ITPR1: variants seen among roughly 807,000 people sequenced by gnomAD.
ITPR1 encodes inositol 1,4,5-trisphosphate receptor type 1, also known as inositol 1,4,5-trisphosphate-gated calcium channel ITPR1.
Under a neutral mutation model 318.4 loss-of-function variants are expected in ITPR1, and 96 were observed. That is an observed-to-expected ratio of 0.30 (90% CI 0.26 to 0.36). The LOEUF is 0.36. Ranked by LOEUF, ITPR1 falls within the 10% of genes least tolerant of loss-of-function variation. The pLI, the probability that ITPR1 is intolerant of heterozygous loss-of-function variation, is 1.00. For synonymous variants in ITPR1, 1,312 were observed against 1,289.9 expected (o/e 1.02, Z -0.37); for missense variants, 2,440 against 3,460.2 (o/e 0.71, Z 7.40).
chr3:4,759,330 A>C (rs536493937), intron 44 of ITPR1, among the ~76,000 whole-genome samples: 1 of 152,300 alleles, frequency 6.6e-6, no homozygotes, highest in South Asian at 2.1e-4. Flanking sequence ...TTAATCTAAG[A>C]CCCGGATTCA....
chr3:4,817,061 G>C (rs1402747946), intron 59 of ITPR1, among the ~76,000 whole-genome samples: 1 of 152,206 alleles, frequency 6.6e-6, no homozygotes, highest in East Asian at 1.9e-4. Flanking sequence ...GATGTGGCCA[G>C]TGAGAGCCCT....
chr3:4,643,791 C>T (rs1390495839), intron 7 of ITPR1, among the ~76,000 whole-genome samples: 3 of 151,636 alleles, frequency 2.0e-5, no homozygotes, highest in African/African-American at 7.3e-5. Context: ...AAGACTTACT[C>T]TGACTCTATC....
intron 41 of ITPR1, among the ~76,000 whole-genome samples, 177 bp downstream of exon 41, chr3:4,725,758 T>C (rs145206748): frequency 7.2e-5 from 11 of 152,274 alleles, no homozygotes; most frequent in African/African-American, 2.2e-4. Flanking sequence ...TGGCTCTCAG[T>C]GTAGAAAGTT....
chr3:4,661,045 T>C lies in ITPR1; in HGVS notation c.1209T>C (p.Asn403=), dbSNP rs759344672. The change falls in exon 14 of 62, where the codon AAT becomes AAC. Residue 403 remains asparagine (N), a synonymous_variant. Coordinates refer to ENST00000649015, the MANE Select transcript of ITPR1 (RefSeq NM_001378452.1). ...CTAATACCTGGGTTCACAGCACAAA[T>C]ATTCCTATTGACAAGGAAGAAGAAA... ...LCTNTWVHST[N]IPIDKEEEKP... 1.4e-5 allele frequency: 22 copies of C among 1,611,194 alleles called. No homozygotes were observed. The highest frequency in any genetic ancestry group is 1.8e-5 in the Non-Finnish European group (21 of 1,177,454).
chr3:4,598,844 C>G (rs1170481289), intron 4 of ITPR1, among the ~76,000 whole-genome samples: 1 of 152,164 alleles, frequency 6.6e-6, no homozygotes, highest in African/African-American at 2.4e-5. Flanking sequence ...CTGAACTTCT[C>G]TGAATCTCAC....
intron 10 of ITPR1, chr3:4,646,040 A>G (rs757934481): frequency 1.5e-5 from 4 of 272,024 alleles, no homozygotes; most frequent in Non-Finnish European, 2.8e-5. Flanking sequence ...AACAAATTCA[A>G]AAACGAAATT....
At chr3:4,557,153 G>A (rs1267868331) in intron 4 of ITPR1, among the ~76,000 whole-genome samples, 2 of 152,108 alleles carry the variant, frequency 1.3e-5, no homozygotes, top group African/African-American at 4.8e-5. Context: ...CCCGAGACTG[G>A]GTAATTTATA....
chr3:4,602,445 C>T (rs1041033648), intron 4 of ITPR1, among the ~76,000 whole-genome samples: 2 of 150,236 alleles, frequency 1.3e-5, no homozygotes, highest in Non-Finnish European at 2.9e-5. Flanking sequence ...GGAGAATGAC[C>T]CGGGCCTAGG....
intron 54 of ITPR1, among the ~76,000 whole-genome samples, chr3:4,804,249 A>G (rs1272952471): frequency 1.3e-5 from 2 of 152,206 alleles, no homozygotes; most frequent in Non-Finnish European, 2.9e-5. Context: ...GGAGACAGAG[A>G]GAGAATATTG....
chr3:4,524,311 T>G (rs930117360), intron 4 of ITPR1, among the ~76,000 whole-genome samples: 2 of 150,150 alleles, frequency 1.3e-5, no homozygotes, highest in Non-Finnish European at 3.0e-5. Context: ...GTTTTTTTTT[T>G]TTTTTTTTTT....
intron 60 of ITPR1, among the ~76,000 whole-genome samples, chr3:4,833,086 G>T (rs1159868037): frequency 2.0e-5 from 3 of 152,222 alleles, no homozygotes; most frequent in African/African-American, 7.2e-5. Flanking sequence ...TAGATCCTCA[G>T]CGCTCAACCC....
chr3:4,758,623 C>G (rs2045199061), intron 44 of ITPR1, among the ~76,000 whole-genome samples: 1 of 152,194 alleles, frequency 6.6e-6, no homozygotes, highest in African/African-American at 2.4e-5. Flanking sequence ...CTATTCTCCT[C>G]CCCAGGACCA....
At chr3:4,746,527 C>G (rs557666668) in intron 44 of ITPR1, among the ~76,000 whole-genome samples, 35 of 151,390 alleles carry the variant, frequency 2.3e-4, no homozygotes, top group African/African-American at 8.0e-4. Flanking sequence ...TAGAAACTTC[C>G]TCTTGATCCC....
intron 4 of ITPR1, among the ~76,000 whole-genome samples, chr3:4,571,575 C>G (rs936312502): frequency 6.6e-6 from 1 of 152,154 alleles, no homozygotes; most frequent in African/African-American, 2.4e-5. Flanking sequence ...CTCAAGCAAT[C>G]CTCCTGCCTG....
At chr3:4,702,394 T>C (rs1362877740) in intron 35 of ITPR1, among the ~76,000 whole-genome samples, 1 of 152,206 alleles carries the variant, frequency 6.6e-6, no homozygotes. Flanking sequence ...ACTCAGTGGA[T>C]ATAATGTCTG....
At chr3:4,702,282 A>G (rs2094672021) in intron 35 of ITPR1, among the ~76,000 whole-genome samples, 1 of 152,212 alleles carries the variant, frequency 6.6e-6, no homozygotes, top group Non-Finnish European at 1.5e-5. Context: ...AACTATCCGA[A>G]TTCTCTTTAT....
At chr3:4,576,551 A>G (rs1415807937) in intron 4 of ITPR1, among the ~76,000 whole-genome samples, 1 of 152,210 alleles carries the variant, frequency 6.6e-6, no homozygotes, top group Non-Finnish European at 1.5e-5. Context: ...GAAGAGGCAG[A>G]CTCATTCCTG....
intron 4 of ITPR1, among the ~76,000 whole-genome samples, chr3:4,581,067 C>T (rs1316928416): frequency 6.6e-6 from 1 of 152,138 alleles, no homozygotes. Context: ...CAAACTCAAA[C>T]GTTTCAGAAG....
chr3:4,760,465 A>G (rs2045358208), intron 44 of ITPR1, among the ~76,000 whole-genome samples: 3 of 152,240 alleles, frequency 2.0e-5, no homozygotes, highest in Admixed American at 1.3e-4. Context: ...TCATAGGCAC[A>G]GATTTTAAAT....
Sources: allele counts gnomAD v4.1 joint callset (sites outside exome capture counted in the v4.1 genomes callset), GRCh38; gene constraint gnomAD v4.1.1; transcripts MANE v1.5; gene names NCBI Gene and HGNC (gene_info 2026-07-23, HGNC 2026-07-21).